Variants in PCDHA10 observed in about 807,000 individuals in gnomAD.
PCDHA10 encodes protocadherin alpha 10.
PCDHA10 carries 45 observed loss-of-function variants against 61.2 expected under a neutral mutation model. The observed-to-expected ratio is 0.74, with a 90% CI of 0.58 to 0.94. The LOEUF is 0.94. PCDHA10 is among the 40% of genes least tolerant of loss of function. PCDHA10 has a pLI of 0.00. For synonymous variants in PCDHA10, 602 were observed against 548.8 expected (o/e 1.10, Z -1.35); for missense variants, 1,278 against 1,236.2 (o/e 1.03, Z -0.51).
At chr5:140,943,688 G>A (rs2093547294) in intron 1 of PCDHA10, among the ~76,000 whole-genome samples, 1 of 152,170 alleles carries the variant, frequency 6.6e-6, no homozygotes. Context: ...AAGGGATAAG[G>A]TCAAAATATT....
At chr5:141,001,794 T>C (rs2098037139) in intron 3 of PCDHA10, among the ~76,000 whole-genome samples, 1 of 152,184 alleles carries the variant, frequency 6.6e-6, no homozygotes, top group Non-Finnish European at 1.5e-5. Flanking sequence ...CCTGAGTATA[T>C]ACTATCATTC....
chr5:140,882,681 A>G, intron 1 of PCDHA10: 1 of 1,614,176 alleles, frequency 6.2e-7, no homozygotes, highest in Non-Finnish European at 8.5e-7. Context: ...GAAAGCAAGA[A>G]ACGAATAATC....
intron 1 of PCDHA10, chr5:140,884,082 C>A (rs2059986179): frequency 1.2e-6 from 2 of 1,613,558 alleles, no homozygotes; most frequent in Non-Finnish European, 8.5e-7. Flanking sequence ...GGCTACAATG[C>A]GTGGCTTTCG....
At chr5:141,006,390 T>G (rs539931677) in intron 3 of PCDHA10, among the ~76,000 whole-genome samples, 149 of 152,058 alleles carry the variant, frequency 9.8e-4, no homozygotes, top group African/African-American at 3.0e-3. Context: ...TTTTTTCTAT[T>G]TTTTAGTAGA....
intron 1 of PCDHA10, chr5:140,866,572 GTGGT>G (rs1562601054): frequency 6.6e-6 from 1 of 152,168 alleles, no homozygotes; most frequent in African/African-American, 2.4e-5. Context: ...TGTTAATACA[GTGGT>G]TGGATAATGT....
intron 1 of PCDHA10, among the ~76,000 whole-genome samples, chr5:140,947,807 G>T (rs542859945): frequency 3.6e-4 from 55 of 151,694 alleles, no homozygotes; most frequent in Non-Finnish European, 7.1e-4. Context: ...AATTTGCAGA[G>T]ACTATTTCTT....
At chr5:140,870,578 C>A in intron 1 of PCDHA10, 1 of 1,613,882 alleles carries the variant, frequency 6.2e-7, no homozygotes. Flanking sequence ...GTGTCCTACT[C>A]GCTGGTGGAG....
intron 1 of PCDHA10, chr5:140,929,043 C>T: frequency 6.2e-7 from 1 of 1,614,196 alleles, no homozygotes; most frequent in South Asian, 1.1e-5. Flanking sequence ...GCGCTCAGAG[C>T]TGCTGTCGCT....
chr5:140,953,553 C>T (rs1364050066), intron 1 of PCDHA10, among the ~76,000 whole-genome samples: 1 of 152,060 alleles, frequency 6.6e-6, no homozygotes, highest in East Asian at 1.9e-4. Flanking sequence ...TTCTTTTCTC[C>T]AAGTTTTAGT....
chr5:141,010,321 G>C lies in PCDHA10; in HGVS notation c.*384G>C. On this transcript the variant is annotated 3_prime_UTR_variant, in exon 4 of 4. Transcript: ENST00000307360. Reference sequence around the variant, plus strand: ...GGCTGAAAAGTTTTGAGATTGAGCAGCTTGGGAGTTTGTGGCCACTGGGTA... The same window carrying C: ...GGCTGAAAAGTTTTGAGATTGAGCACCTTGGGAGTTTGTGGCCACTGGGTA... 7 of 1,541,244 alleles carry C rather than the reference G, an allele frequency of 4.5e-6. No homozygotes were observed. In the South Asian group the frequency reaches 8.5e-5, roughly 19 times the overall value.
chr5:140,984,550 A>C (rs1486017679), intron 3 of PCDHA10, among the ~76,000 whole-genome samples: 1 of 152,134 alleles, frequency 6.6e-6, no homozygotes, highest in Non-Finnish European at 1.5e-5. Flanking sequence ...GATAGAGCTT[A>C]CATCTTCCAA....
chr5:140,886,453 A>G (rs1047264611), intron 1 of PCDHA10, among the ~76,000 whole-genome samples: 1 of 152,140 alleles, frequency 6.6e-6, no homozygotes, highest in Non-Finnish European at 1.5e-5. Flanking sequence ...TAATTTTGTC[A>G]TATATAAATG....
intron 1 of PCDHA10, among the ~76,000 whole-genome samples, chr5:140,880,863 T>C (rs1312869588): frequency 6.6e-6 from 1 of 152,170 alleles, no homozygotes; most frequent in Non-Finnish European, 1.5e-5. Flanking sequence ...TCTAATTATG[T>C]GAAGAGGTAA....
chr5:140,886,884 A>C (rs903199967), intron 1 of PCDHA10, among the ~76,000 whole-genome samples: 9 of 151,846 alleles, frequency 5.9e-5, no homozygotes, highest in African/African-American at 1.9e-4. Flanking sequence ...AACATTCATT[A>C]ATTAAATGCA....
rs782539359 is a variant in PCDHA10, at chr5:140,857,031, C to T, written c.983C>T (p.Pro328Leu). 1 of 1,596,318 alleles carries T rather than the reference C, an allele frequency of 6.3e-7. No homozygotes were observed. The highest frequency in any genetic ancestry group is 8.6e-7 in the Non-Finnish European group (1 of 1,166,056). Reference protein sequence around the residue: ...HVDVTDKGNPPMVGHCTVLVE... With the variant: ...HVDVTDKGNPLMVGHCTVLVE... The stretch of plus-strand genomic sequence containing the variant: ...GATGTTACAGATAAGGGAAACCCAC[C>T]TATGGTTGGTCACTGCACGGTCCTA... The change falls in exon 1 of 4, where the codon CCT becomes CTT. Residue 328 changes from proline to leucine, a missense_variant. By Grantham distance (98) the Pro-to-Leu change is moderately conservative. Coordinates refer to ENST00000307360, the MANE Select transcript of PCDHA10 (RefSeq NM_018901.4).
intron 1 of PCDHA10, chr5:140,968,908 A>G: frequency 6.2e-7 from 1 of 1,614,182 alleles, no homozygotes; most frequent in Non-Finnish European, 8.5e-7. Context: ...CATTAAGCAC[A>G]GTGTCTTTTA....
At chr5:140,922,437 T>C (rs1462386336) in intron 1 of PCDHA10, among the ~76,000 whole-genome samples, 1 of 152,194 alleles carries the variant, frequency 6.6e-6, no homozygotes, top group African/African-American at 2.4e-5. Flanking sequence ...GGCAGAACTC[T>C]CTCATTATCC....
At chr5:140,868,231 T>C in intron 1 of PCDHA10, 1 of 152,170 alleles carries the variant, frequency 6.6e-6, no homozygotes, top group East Asian at 1.9e-4. Flanking sequence ...TAAAAACTCA[T>C]CTAGATCAAT....
At chr5:140,890,223 G>C (rs1218987173) in intron 1 of PCDHA10, among the ~76,000 whole-genome samples, 3 of 152,108 alleles carry the variant, frequency 2.0e-5, no homozygotes, top group Non-Finnish European at 4.4e-5. Context: ...CAGAGACCTA[G>C]TTGTTAAGCA....
Sources: allele counts gnomAD v4.1 joint callset (sites outside exome capture counted in the v4.1 genomes callset), GRCh38; gene constraint gnomAD v4.1.1; transcripts MANE v1.5; gene names NCBI Gene and HGNC (gene_info 2026-07-23, HGNC 2026-07-21).